BCAR3: variants seen among roughly 807,000 people sequenced by gnomAD.
BCAR3 encodes the protein breast cancer anti-estrogen resistance protein 3.
A neutral mutation model predicts 80.1 loss-of-function variants in BCAR3; 37 were observed. The observed-to-expected ratio is 0.46, with a 90% CI of 0.36 to 0.61. BCAR3 has a LOEUF of 0.61. Among genes scored for constraint, BCAR3 ranks in the 20% least tolerant of loss-of-function variants. The pLI, the probability that BCAR3 is intolerant of heterozygous loss-of-function variation, is 0.00. For missense variants in BCAR3, 978 were observed against 1,068.2 expected, an observed-to-expected ratio of 0.92 and a Z score of 1.18; for synonymous variants, 389 against 418.9, an observed-to-expected ratio of 0.93 and a Z score of 0.87.
At chr1:93,773,199 C>A (rs12125652) in intron 2 of BCAR3, among the ~76,000 whole-genome samples, 45,147 of 152,046 alleles carry the variant, frequency 0.3, 9,251 homozygotes, top group African/African-American at 0.58. Context: ...AAGATGCCTG[C>A]GTTTGAATCT....
At chr1:93,724,235 G>C (rs1418929396) in intron 2 of BCAR3, among the ~76,000 whole-genome samples, 1 of 152,134 alleles carries the variant, frequency 6.6e-6, no homozygotes, top group East Asian at 1.9e-4. Flanking sequence ...GTGGCTGGGG[G>C]GTCCATGTCC....
At chr1:93,705,882 G>A (rs935774281) in intron 3 of BCAR3, among the ~76,000 whole-genome samples, 3 of 151,586 alleles carry the variant, frequency 2.0e-5, no homozygotes, top group African/African-American at 7.3e-5. Flanking sequence ...GCCAAAGCCC[G>A]GTCTCAAGGC....
intron 11 of BCAR3, among the ~76,000 whole-genome samples, chr1:93,563,065 A>G (rs78874521): frequency 2.2e-3 from 342 of 152,232 alleles, no homozygotes; most frequent in Non-Finnish European, 3.5e-3. Context: ...GTTTTTACCA[A>G]CTTTACTGAT....
intron 2 of BCAR3, among the ~76,000 whole-genome samples, chr1:93,740,035 C>G (rs1038403047): frequency 1.1e-5 from 1 of 94,138 alleles, no homozygotes; most frequent in South Asian, 3.7e-4. Flanking sequence ...AACTCCGTCT[C>G]AAAAAAAAAA....
intron 5 of BCAR3, among the ~76,000 whole-genome samples, chr1:93,584,743 C>T (rs1673873885): frequency 6.6e-6 from 1 of 152,196 alleles, no homozygotes; most frequent in Admixed American, 6.5e-5. Context: ...TTGGGAGGCA[C>T]ACTGTGTAAC....
intron 2 of BCAR3, among the ~76,000 whole-genome samples, chr1:93,808,044 A>T (rs6696446): frequency 0.063 from 8,933 of 142,644 alleles, 855 homozygotes; most frequent in African/African-American, 0.21. Flanking sequence ...TTTTTTTTTA[A>T]AAAAAAAAAA....
intron 2 of BCAR3, among the ~76,000 whole-genome samples, chr1:93,716,917 T>C (rs1650208615): frequency 6.6e-6 from 1 of 152,134 alleles, no homozygotes; most frequent in Non-Finnish European, 1.5e-5. Context: ...GCACGAGTGG[T>C]GAAGCTGTAG....
chr1:93,727,790 C>T (rs1305272631), intron 2 of BCAR3, among the ~76,000 whole-genome samples: 1 of 152,160 alleles, frequency 6.6e-6, no homozygotes, highest in Non-Finnish European at 1.5e-5. Context: ...AATAGTGGCC[C>T]CCCCAAAAGA....
At chr1:93,759,009 G>C (rs189026161) in intron 2 of BCAR3, among the ~76,000 whole-genome samples, 22 of 152,134 alleles carry the variant, frequency 1.4e-4, no homozygotes, top group Admixed American at 5.9e-4. Context: ...TTAGCACCCT[G>C]TTATCCCTCT....
At chr1:93,760,011 C>A (rs903508135) in intron 2 of BCAR3, among the ~76,000 whole-genome samples, 4 of 152,082 alleles carry the variant, frequency 2.6e-5, no homozygotes, top group Non-Finnish European at 4.4e-5. Context: ...GTCAGTAGGT[C>A]AGGGAAAGCT....
At chr1:93,670,606 T>C (rs1277275480) in intron 2 of BCAR3, among the ~76,000 whole-genome samples, 1 of 152,196 alleles carries the variant, frequency 6.6e-6, no homozygotes, top group Non-Finnish European at 1.5e-5. Flanking sequence ...CATTAAGGTA[T>C]GATCTTAGGT....
intron 3 of BCAR3, among the ~76,000 whole-genome samples, chr1:93,701,147 G>T (rs1003614555): frequency 1.3e-5 from 2 of 152,202 alleles, no homozygotes; most frequent in African/African-American, 2.4e-5. Flanking sequence ...TGGCCCTTGA[G>T]AATTAGACCC....
intron 2 of BCAR3, among the ~76,000 whole-genome samples, chr1:93,808,653 A>G (rs933898127): frequency 1.1e-4 from 16 of 152,210 alleles, no homozygotes; most frequent in African/African-American, 3.6e-4. Flanking sequence ...AGAACTACAC[A>G]GTTTTCTAGT....
chr1:93,796,666 A>AC (rs1168171126), intron 2 of BCAR3, among the ~76,000 whole-genome samples: 2 of 152,184 alleles, frequency 1.3e-5, no homozygotes, highest in Admixed American at 6.5e-5. Flanking sequence ...CTATTCGGCC[A>AC]TCTTGGCTCC....
rs76021349 is a variant in BCAR3 at position 93,623,894 on chromosome 1, A to G, written c.357+18410T>C. On this transcript the variant is annotated intron_variant, in intron 3 of 11. Coordinates refer to ENST00000260502, the MANE Select transcript of BCAR3 (RefSeq NM_003567.4). ...GAACTGATGTTACATGAAAACATGC[A>G]TATTATACACCCATTAATAATAGGG... is the stretch of plus-strand genomic sequence containing the variant. Among the ~76,000 whole-genome samples, 94 of 152,324 alleles carry G rather than the reference A, an allele frequency of 6.2e-4. No homozygotes were observed. In the East Asian group the frequency reaches 0.015, roughly 24 times the overall value.
chr1:93,750,550 C>CA (rs1385956126), intron 2 of BCAR3, among the ~76,000 whole-genome samples: 1 of 152,246 alleles, frequency 6.6e-6, no homozygotes, highest in Non-Finnish European at 1.5e-5. Flanking sequence ...CTTAGAGACT[C>CA]ACTTACAACC....
At chr1:93,769,344 T>C (rs1010977794) in intron 2 of BCAR3, among the ~76,000 whole-genome samples, 6 of 149,334 alleles carry the variant, frequency 4.0e-5, no homozygotes, top group African/African-American at 1.3e-4. Context: ...GGACTAAATA[T>C]GTGGGTAGGA....
intron 2 of BCAR3, among the ~76,000 whole-genome samples, chr1:93,776,106 T>C (rs948234558): frequency 5.9e-5 from 9 of 152,194 alleles, no homozygotes; most frequent in African/African-American, 1.9e-4. Context: ...CCTAGGAAAG[T>C]ATCTAGAATA....
chr1:93,769,565 GA>G (rs942614016), intron 2 of BCAR3, among the ~76,000 whole-genome samples: 12 of 148,230 alleles, frequency 8.1e-5, no homozygotes, highest in African/African-American at 1.5e-4. Flanking sequence ...GCCACTAGGA[GA>G]AAAAAAAAAC....
Sources: allele counts gnomAD v4.1 joint callset (sites outside exome capture counted in the v4.1 genomes callset), GRCh38; gene constraint gnomAD v4.1.1; transcripts MANE v1.5; gene names NCBI Gene and HGNC (gene_info 2026-07-23, HGNC 2026-07-21).